The following WDFY4 variants were observed in gnomAD, a reference collection of about 807,000 sequenced individuals.
WDFY4 encodes WD repeat- and FYVE domain-containing protein 4.
Under a neutral mutation model 351.9 loss-of-function variants are expected in WDFY4, and 169 were observed. The ratio of observed to expected loss-of-function variants is 0.48; its 90% CI spans 0.42 to 0.55. The LOEUF (loss-of-function observed/expected upper bound fraction) is 0.55. WDFY4 is among the 20% of genes least tolerant of loss of function. WDFY4 has a pLI of 0.00. For synonymous variants in WDFY4, 1,622 were observed against 1,574.6 expected, an observed-to-expected ratio of 1.03 and a Z score of -0.71; for missense variants, 3,803 against 3,935.6, an observed-to-expected ratio of 0.97 and a Z score of 0.90.
intron 51 of WDFY4, among the ~76,000 whole-genome samples, chr10:48,955,074 C>T (rs987000214): frequency 3.3e-5 from 5 of 152,108 alleles, no homozygotes; most frequent in Non-Finnish European, 5.9e-5. Flanking sequence ...GGAAACAGGA[C>T]GAGGAGTAGG....
At chr10:48,966,468 G>A in intron 54 of WDFY4, 58 bp from the exon 55 acceptor site, 1 of 1,514,632 alleles carries the variant, frequency 6.6e-7, no homozygotes, top group Non-Finnish European at 8.9e-7. Context: ...TGTGCACAGG[G>A]ACGACCCCTC....
intron 12 of WDFY4, among the ~76,000 whole-genome samples, chr10:48,751,573 C>T (rs1463303497): frequency 6.6e-6 from 1 of 152,128 alleles, no homozygotes; most frequent in African/African-American, 2.4e-5. Context: ...CTGGTTGGTG[C>T]TAGTCCCTGA....
At chr10:48,754,546 T>TA (rs2065276129) in intron 12 of WDFY4, among the ~76,000 whole-genome samples, 1 of 151,618 alleles carries the variant, frequency 6.6e-6, no homozygotes, top group African/African-American at 2.4e-5. Context: ...CAATAGCACT[T>TA]ATCATTTCTT....
At chr10:48,930,710 C>T (rs2663061) in intron 47 of WDFY4, among the ~76,000 whole-genome samples, 113,943 of 152,028 alleles carry the variant, frequency 0.75, 45,115 homozygotes, top group East Asian at 1. Flanking sequence ...AGAAACAACC[C>T]AAATATCTAA....
In WDFY4 at chr10:48,731,469, G is replaced by T; in HGVS notation, c.1489G>T (p.Asp497Tyr). 6.4e-7 allele frequency: 1 copy of T among 1,551,668 alleles called. No individual in the cohort carries two copies. The highest frequency in any genetic ancestry group is 2.4e-5 in the East Asian group (1 of 40,920). Residue 497 changes from aspartate to tyrosine, a missense_variant, in exon 9 of 62, where the codon GAC becomes TAC. Physicochemically the swap from Asp to Tyr is radical, Grantham distance 160. Around this residue, in one of 3 missense-constraint regions of WDFY4, gnomAD observed 261 missense variants for 330.2 expected, o/e 0.79. Transcript: ENST00000325239. ...LQSILSIAGG[D>Y]PLFTDIFRDS... The stretch of plus-strand genomic sequence containing the variant: ...GAGCATCCTCAGCATCGCTGGTGGG[G>T]ACCCCCTCTTCACCGACATCTTCCG...
At chr10:48,782,530 GT>G (rs2066262104) in intron 19 of WDFY4, among the ~76,000 whole-genome samples, 1 of 152,230 alleles carries the variant, frequency 6.6e-6, no homozygotes, top group Non-Finnish European at 1.5e-5. Flanking sequence ...GAGGTCAGGA[GT>G]GGTGTGTTGC....
At chr10:48,773,810 C>T (rs763167780) in intron 13 of WDFY4, among the ~76,000 whole-genome samples, 1 of 152,188 alleles carries the variant, frequency 6.6e-6, no homozygotes, top group East Asian at 1.9e-4. Context: ...GTGGTGGGGC[C>T]TGTATCTGTC....
In WDFY4 at chr10:48,767,628, G is replaced by A. The variant is rs79063706; in HGVS notation, c.2554-6830G>A. ...GTTAGTCATCAGATGTTAAAATGGG[G>A]AGGAGAAGGGTCCCTGTCAGCTTGA... On this transcript the variant is annotated intron_variant, in intron 13 of 61. Coordinates refer to ENST00000325239, the MANE Select transcript of WDFY4 (RefSeq NM_001394531.1). Among the ~76,000 whole-genome samples, 1,005 of 152,286 alleles carry A rather than the reference G, an allele frequency of 6.6e-3. 12 individuals carry two copies. The highest frequency in any genetic ancestry group is 0.023 in the African/African-American group (966 of 41,554).
chr10:48,787,935 T>TCCC (rs1565198977), intron 20 of WDFY4, among the ~76,000 whole-genome samples: 1 of 96,364 alleles, frequency 1.0e-5, no homozygotes, highest in African/African-American at 4.5e-5. Flanking sequence ...TTCTTCTTCT[T>TCCC]CTTCTTCTTC....
At chr10:48,940,546 G>C (rs1021074820) in intron 47 of WDFY4, among the ~76,000 whole-genome samples, 3 of 152,206 alleles carry the variant, frequency 2.0e-5, no homozygotes, top group African/African-American at 7.2e-5. Flanking sequence ...GACTGAGCCC[G>C]GCAGGGTCCT....
chr10:48,880,592 G>A (rs2070205845), intron 43 of WDFY4, among the ~76,000 whole-genome samples: 1 of 152,280 alleles, frequency 6.6e-6, no homozygotes, highest in Middle Eastern at 3.4e-3. Context: ...GGAGGGGAAA[G>A]AGCAGGAGCT....
intron 46 of WDFY4, among the ~76,000 whole-genome samples, chr10:48,901,232 T>A (rs1010569905): frequency 6.6e-6 from 1 of 152,228 alleles, no homozygotes; most frequent in African/African-American, 2.4e-5. Flanking sequence ...TGCTGCTAGA[T>A]TGCCCCCTAA....
At chr10:48,962,660 A>G (rs958818878) in intron 53 of WDFY4, among the ~76,000 whole-genome samples, 1 of 152,110 alleles carries the variant, frequency 6.6e-6, no homozygotes, top group Non-Finnish European at 1.5e-5. Flanking sequence ...AATTCTTTGG[A>G]TGACACCTTT....
At chr10:48,721,588 C>T (rs1049061356) in intron 4 of WDFY4, among the ~76,000 whole-genome samples, 1 of 152,186 alleles carries the variant, frequency 6.6e-6, no homozygotes. Flanking sequence ...GGCCAGATTG[C>T]TTTACCTTTC....
chr10:48,859,840 T>C (rs377180382), intron 39 of WDFY4, among the ~76,000 whole-genome samples: 1 of 152,242 alleles, frequency 6.6e-6, no homozygotes, highest in African/African-American at 2.4e-5. Context: ...TGGCAATTTA[T>C]TTTTGGAGAC....
At chr10:48,804,622 T>A in intron 25 of WDFY4, 4 of 570,938 alleles carry the variant, frequency 7.0e-6, no homozygotes, top group Non-Finnish European at 8.9e-6. Flanking sequence ...GTCACCCTCC[T>A]CCACATTTTT....
chr10:48,768,130 T>C (rs1349521016), intron 13 of WDFY4, among the ~76,000 whole-genome samples: 2 of 152,202 alleles, frequency 1.3e-5, no homozygotes, highest in East Asian at 3.8e-4. Flanking sequence ...TCCTGTCATC[T>C]GGAGCATCTG....
At chr10:48,953,302 G>GTCTCTCTCTCTC (rs140127650) in intron 51 of WDFY4, among the ~76,000 whole-genome samples, 6 of 125,906 alleles carry the variant, frequency 4.8e-5, no homozygotes, top group African/African-American at 1.8e-4. Context: ...CATGAGATAT[G>GTCTCTCTCTCTC]TCTCTCTCTC....
intron 20 of WDFY4, among the ~76,000 whole-genome samples, chr10:48,787,913 TTCTTCTTCTTCTTCTTCTTCTTC>T (rs2066511155): frequency 4.0e-5 from 2 of 50,622 alleles, no homozygotes; most frequent in African/African-American, 9.8e-5. Flanking sequence ...CTTCTTCTTC[TTCTTCTTCTTCTTCTTCTTCTTC>T]TTCTTCTTCT....
Sources: gnomAD v4.1 joint callset for allele counts (sites outside exome capture counted in the v4.1 genomes callset) on GRCh38, gnomAD v4.1.1 for gene constraint, gnomAD v4.1.1 regional missense constraint, MANE v1.5 for transcripts, NCBI Gene and HGNC (gene_info 2026-07-23, HGNC 2026-07-21) for gene names.